The following TNS1 variants were observed in gnomAD, a reference collection of about 807,000 sequenced individuals.
TNS1 encodes tensin 1, also known as tensin-1.
A neutral mutation model predicts 168.6 loss-of-function variants in TNS1; 62 were observed. The ratio of observed to expected loss-of-function variants is 0.37; its 90% confidence interval spans 0.30 to 0.45. The LOEUF (loss-of-function observed/expected upper bound fraction) is 0.45. Ranked by LOEUF, TNS1 falls within the 20% of genes least tolerant of loss-of-function variation. The probability of loss-of-function intolerance (pLI) is 1.00; values close to 1 mark genes in which losing one functional copy is unlikely to be tolerated. For synonymous variants in TNS1, 934 were observed against 933.2 expected (o/e 1.00, Z -0.02); for missense variants, 2,240 against 2,339.4 (o/e 0.96, Z 0.88).
At chr2:217,817,491 C>T (rs1236664959) in intron 24 of TNS1, among the ~76,000 whole-genome samples, 199 bp downstream of exon 24, 6 of 152,202 alleles carry the variant, frequency 3.9e-5, no homozygotes, top group Admixed American at 3.9e-4. Context: ...CTCATCTCAG[C>T]ATCCACAACC....
At chr2:217,907,656 G>T (rs1195294006) in intron 4 of TNS1, among the ~76,000 whole-genome samples, 1 of 152,196 alleles carries the variant, frequency 6.6e-6, no homozygotes, top group African/African-American at 2.4e-5. Flanking sequence ...AAATGACTGA[G>T]CCAACATCAT....
chr2:217,901,280 C>T (rs577219845), intron 6 of TNS1, among the ~76,000 whole-genome samples: 2 of 152,336 alleles, frequency 1.3e-5, no homozygotes, highest in Non-Finnish European at 2.9e-5. Flanking sequence ...GTTACTTAAC[C>T]CCTCTGAGCC....
chr2:217,891,209 C>A (rs1393939183), intron 11 of TNS1, among the ~76,000 whole-genome samples, 164 bp from the exon 12 acceptor site: 1 of 152,228 alleles, frequency 6.6e-6, no homozygotes, highest in Non-Finnish European at 1.5e-5. Flanking sequence ...TGCCGAGAAG[C>A]TTTCAGGAAA....
chr2:218,002,609 G>A (rs890659481), intron 1 of TNS1, among the ~76,000 whole-genome samples: 15 of 151,988 alleles, frequency 9.9e-5, no homozygotes, highest in African/African-American at 3.4e-4. Flanking sequence ...TGGGGCAGGG[G>A]ATGTACTGAC....
chr2:217,961,218 G>GTC (rs1209780540), intron 3 of TNS1, among the ~76,000 whole-genome samples: 308 of 144,162 alleles, frequency 2.1e-3, no homozygotes, highest in Non-Finnish European at 3.2e-3. Context: ...ATCTCAGGGT[G>GTC]TCTCTCTCTC....
chr2:217,956,174 AT>A (rs991363059), intron 3 of TNS1, among the ~76,000 whole-genome samples: 1 of 151,954 alleles, frequency 6.6e-6, no homozygotes, highest in Admixed American at 6.6e-5. Context: ...GTTAAAAAGA[AT>A]TTTTTTTAAT....
intron 4 of TNS1, among the ~76,000 whole-genome samples, chr2:217,918,809 G>C (rs16858462): frequency 0.048 from 6,599 of 137,058 alleles, 243 homozygotes; most frequent in Admixed American, 0.098. Flanking sequence ...GCGATTTCTT[G>C]CTGGCAGTTC....
intron 1 of TNS1, among the ~76,000 whole-genome samples, chr2:218,021,138 A>G (rs78496233): frequency 1.2e-4 from 18 of 152,270 alleles, no homozygotes; most frequent in Non-Finnish European, 2.4e-4. Context: ...TCCTCACCAC[A>G]CTGGCAGGAG....
At chr2:217,982,599 T>C (rs1411511450) in intron 2 of TNS1, among the ~76,000 whole-genome samples, 4 of 152,072 alleles carry the variant, frequency 2.6e-5, no homozygotes, top group African/African-American at 7.2e-5. Context: ...AGAGAGGGTT[T>C]TGCCATTTGC....
intron 4 of TNS1, among the ~76,000 whole-genome samples, chr2:217,910,488 T>C (rs1954245635): frequency 6.6e-6 from 1 of 151,846 alleles, no homozygotes; most frequent in South Asian, 2.1e-4. Context: ...GCCTTGGGGC[T>C]ACTGGGAAGG....
At chr2:218,023,330 A>C (rs975662450) in intron 1 of TNS1, among the ~76,000 whole-genome samples, 2 of 152,170 alleles carry the variant, frequency 1.3e-5, no homozygotes, top group Admixed American at 6.5e-5. Context: ...CTGGGCCTCA[A>C]CTTCCCCCTC....
At chr2:217,849,150 T>A in intron 18 of TNS1, 63 bp from the exon 19 acceptor site, 1 of 1,537,798 alleles carries the variant, frequency 6.5e-7, no homozygotes, top group Non-Finnish European at 8.8e-7. Flanking sequence ...GGCAGGGGTA[T>A]CATCCACTCT....
At chr2:217,954,205 C>A (rs552018592) in intron 3 of TNS1, among the ~76,000 whole-genome samples, 1 of 152,310 alleles carries the variant, frequency 6.6e-6, no homozygotes, top group Non-Finnish European at 1.5e-5. Flanking sequence ...AGGGGCTGGG[C>A]TCCTAGGGCT....
chr2:217,887,111 G>T (rs577606780), intron 12 of TNS1, among the ~76,000 whole-genome samples: 1 of 152,254 alleles, frequency 6.6e-6, no homozygotes, highest in African/African-American at 2.4e-5. Flanking sequence ...CCCCAGTTCT[G>T]CCCACAGATC....
At chr2:217,987,277 C>T (rs1454367001) in intron 2 of TNS1, among the ~76,000 whole-genome samples, 1 of 152,116 alleles carries the variant, frequency 6.6e-6, no homozygotes, top group Non-Finnish European at 1.5e-5. Flanking sequence ...TCACAGCAGC[C>T]CCCCAGAGAC....
At chr2:217,926,155 A>G (rs1000096409) in intron 3 of TNS1, among the ~76,000 whole-genome samples, 1 of 152,234 alleles carries the variant, frequency 6.6e-6, no homozygotes, top group African/African-American at 2.4e-5. Context: ...CAAGCCAAGA[A>G]GAGAGGTCTC....
chr2:217,915,880 A>G (rs1287056772), intron 4 of TNS1, among the ~76,000 whole-genome samples: 5 of 152,158 alleles, frequency 3.3e-5, no homozygotes, highest in Admixed American at 6.5e-5. Flanking sequence ...TGAGGTCCCA[A>G]TGGCCCCACG....
intron 6 of TNS1, 44 bp from the exon 7 acceptor site, chr2:217,900,556 G>A: frequency 6.6e-7 from 1 of 1,524,906 alleles, no homozygotes; most frequent in Non-Finnish European, 8.8e-7. Context: ...GGGGTGGGCA[G>A]GATGGCAGGA....
chr2:217,838,462 C>T (rs140906114), intron 19 of TNS1, among the ~76,000 whole-genome samples: 1 of 152,344 alleles, frequency 6.6e-6, no homozygotes, highest in East Asian at 1.9e-4. Context: ...CCATCACCAC[C>T]AGAATGGCAC....
Sources: gnomAD v4.1 joint callset for allele counts (sites outside exome capture counted in the v4.1 genomes callset) on GRCh38, gnomAD v4.1.1 for gene constraint, MANE v1.5 for transcripts, NCBI Gene and HGNC (gene_info 2026-07-23, HGNC 2026-07-21) for gene names.